Variants in SLC6A6 observed in about 807,000 individuals in gnomAD.
The protein encoded by SLC6A6 is sodium- and chloride-dependent taurine transporter.
In SLC6A6, 16 loss-of-function variants were observed where a neutral mutation model predicts 68.8. That is an observed-to-expected ratio of 0.23 (90% CI 0.16 to 0.35). The LOEUF (loss-of-function observed/expected upper bound fraction) is 0.35. Among genes scored for constraint, SLC6A6 ranks in the 10% least tolerant of loss-of-function variants. The pLI, the probability that SLC6A6 is intolerant of heterozygous loss-of-function variation, is 1.00. For synonymous variants in SLC6A6, 312 were observed against 315.4 expected, an observed-to-expected ratio of 0.99 and a Z score of 0.12; for missense variants, 474 against 802.8, an observed-to-expected ratio of 0.59 and a Z score of 4.95.
intron 14 of SLC6A6, among the ~76,000 whole-genome samples, chr3:14,483,642 C>T (rs548008193): frequency 6.6e-6 from 1 of 152,276 alleles, no homozygotes; most frequent in South Asian, 2.1e-4. Flanking sequence ...GGACCTGGGC[C>T]TGGAGTTGCC....
intron 2 of SLC6A6, among the ~76,000 whole-genome samples, chr3:14,417,509 A>T (rs897189559): frequency 6.6e-6 from 1 of 152,124 alleles, no homozygotes; most frequent in African/African-American, 2.4e-5. Flanking sequence ...AGGTGGGCAG[A>T]TCACGAGGTC....
At chr3:14,425,556 A>G (rs931899665) in intron 2 of SLC6A6, among the ~76,000 whole-genome samples, 18 of 152,340 alleles carry the variant, frequency 1.2e-4, no homozygotes, top group African/African-American at 4.3e-4. Context: ...CCTAAATCTC[A>G]GGTATCCTTG....
At chr3:14,480,822 C>T (rs17039655) in intron 13 of SLC6A6, among the ~76,000 whole-genome samples, 36,732 of 152,138 alleles carry the variant, frequency 0.24, 4,735 homozygotes, top group African/African-American at 0.31. Flanking sequence ...GCTCTTCTCA[C>T]AGGGAAAGGT....
chr3:14,476,399 G>A (rs772382350), intron 10 of SLC6A6, among the ~76,000 whole-genome samples: 65 of 152,174 alleles, frequency 4.3e-4, no homozygotes, highest in Non-Finnish European at 6.5e-4. Flanking sequence ...GGCACGAGAT[G>A]GAAAGGTTTA....
Position 14,478,469 on chromosome 3 carries a change from G to T in SLC6A6, c.1351G>T (p.Gly451Cys). The T allele has an allele frequency of 6.2e-7, 1 of 1,606,488 alleles. No individual in the cohort carries two copies. The highest frequency in any genetic ancestry group is 8.5e-7 in the Non-Finnish European group (1 of 1,173,570). Reference sequence around the variant, plus strand: ...TCTGTGGTTTTTTTCTTCACAGGGTGGCATGTATGTGTTTCAGCTCTTTGA... The same window carrying T: ...TCTGTGGTTTTTTTCTTCACAGGGTTGCATGTATGTGTTTCAGCTCTTTGA... ...LLGLTMVTEG[G>C]MYVFQLFDYY... The change falls in exon 12 of 15, where the codon GGC becomes TGC. Residue 451 changes from glycine to cysteine, a missense_variant. Gly to Cys is a radical substitution (Grantham distance 159). Around this residue, in one of 2 missense-constraint regions of SLC6A6, gnomAD observed 194 missense variants for 269.8 expected, o/e 0.72. Coordinates refer to ENST00000622186, the MANE Select transcript of SLC6A6 (RefSeq NM_003043.6).
chr3:14,451,985 G>A (rs946552886), intron 5 of SLC6A6, among the ~76,000 whole-genome samples: 2 of 152,170 alleles, frequency 1.3e-5, no homozygotes, highest in South Asian at 2.1e-4. Context: ...TCCCTGGCCC[G>A]TCCTTTCCTT....
At chr3:14,432,003 A>G (rs920343145) in intron 2 of SLC6A6, among the ~76,000 whole-genome samples, 1 of 152,156 alleles carries the variant, frequency 6.6e-6, no homozygotes, top group Non-Finnish European at 1.5e-5. Context: ...TGTACAGCAG[A>G]GCGCCCTGAC....
chr3:14,478,326 A>G (rs1409810854), intron 11 of SLC6A6, 140 bp from the exon 12 acceptor site: 2 of 659,398 alleles, frequency 3.0e-6, no homozygotes, highest in Non-Finnish European at 5.5e-6. Context: ...ATCTTTTTGT[A>G]TATTTATCTG....
chr3:14,454,017 T>C (rs572573051), intron 5 of SLC6A6, among the ~76,000 whole-genome samples: 2 of 152,312 alleles, frequency 1.3e-5, no homozygotes, highest in Non-Finnish European at 2.9e-5. Flanking sequence ...CCCAGAACAC[T>C]TCCCCTTTAC....
chr3:14,468,334 G>GGC lies in SLC6A6; in HGVS notation c.1096+122_1096+123insGC, dbSNP rs1294733392. ...GGGGACGAGCCTGGTTTCTAAAATGGACCCCCCCCCCGCCACCAAGATATC... is the reference window on the plus strand; with the variant it reads ...GGGGACGAGCCTGGTTTCTAAAATGGGCACCCCCCCCCCGCCACCAAGATATC... On this transcript the variant is annotated intron_variant, in intron 9 of 14. Coordinates refer to ENST00000622186, the MANE Select transcript of SLC6A6 (RefSeq NM_003043.6). This position sits in a 1 kb window ranked among gnomAD's most constrained non-coding sequence, Gnocchi z 4.5. 16 of 751,474 alleles carry GGC rather than the reference G, an allele frequency of 2.1e-5. No individual in the cohort carries two copies. Among genetic ancestry groups the GGC allele is most frequent in the Non-Finnish European group, 7.7e-6 (4 of 517,002 alleles). The allele number at this position is 751,474 out of a possible 1,614,324, so 46.6% of individuals were successfully genotyped here.
chr3:14,458,566 A>G (rs1700422915), intron 6 of SLC6A6, among the ~76,000 whole-genome samples: 1 of 152,222 alleles, frequency 6.6e-6, no homozygotes, highest in South Asian at 2.1e-4. Flanking sequence ...TCCCATCAGC[A>G]TTGCAGGGAG....
intron 5 of SLC6A6, 30 bp downstream of exon 5, chr3:14,447,846 G>A (rs781186796): frequency 3.7e-6 from 6 of 1,612,722 alleles, no homozygotes; most frequent in South Asian, 2.2e-5. Flanking sequence ...GCAAGGAGGA[G>A]GACATGGGTG....
At chr3:14,441,512 G>A (rs554020651) in intron 2 of SLC6A6, among the ~76,000 whole-genome samples, 5 of 152,344 alleles carry the variant, frequency 3.3e-5, no homozygotes, top group African/African-American at 1.2e-4. Flanking sequence ...CTGCCCAGAG[G>A]CTTCAGGAAG....
rs764840432 is a variant in SLC6A6 at position 14,467,974 on chromosome 3, G to A, written c.971+18G>A. On this transcript the variant is annotated intron_variant, in intron 8 of 14. Transcript: ENST00000622186. ...TCGTACAGGCAAGTGTTGCGCCGGC[G>A]GGCCTGGTGGACTTTAGAAATGATG... The A allele has an allele frequency of 9.3e-6, 15 of 1,608,698 alleles. No homozygotes were observed. The highest frequency in any genetic ancestry group is 1.0e-5 in the Non-Finnish European group (12 of 1,175,568).
intron 5 of SLC6A6, among the ~76,000 whole-genome samples, chr3:14,452,206 G>A (rs1486577701): frequency 6.6e-6 from 1 of 152,176 alleles, no homozygotes; most frequent in Non-Finnish European, 1.5e-5. Context: ...CTTGTGGGGG[G>A]AGACAAAGCT....
intron 10 of SLC6A6, among the ~76,000 whole-genome samples, chr3:14,473,783 C>G (rs1451783823): frequency 6.6e-6 from 1 of 152,182 alleles, no homozygotes; most frequent in African/African-American, 2.4e-5. Flanking sequence ...TCAGAGGCCC[C>G]AAGCAAATGG....
intron 2 of SLC6A6, among the ~76,000 whole-genome samples, chr3:14,428,539 T>A (rs199906106): frequency 6.6e-6 from 1 of 152,208 alleles, no homozygotes; most frequent in East Asian, 1.9e-4. Flanking sequence ...CTGTTATTAC[T>A]CCCATTCTAT....
intron 2 of SLC6A6, among the ~76,000 whole-genome samples, chr3:14,440,064 C>G (rs182972367): frequency 6.6e-6 from 1 of 152,128 alleles, no homozygotes; most frequent in Non-Finnish European, 1.5e-5. Context: ...GAGATAGTCT[C>G]AAGTCATAAT....
intron 2 of SLC6A6, among the ~76,000 whole-genome samples, chr3:14,419,404 A>AT (rs1327486872): frequency 6.6e-6 from 1 of 152,198 alleles, no homozygotes; most frequent in Non-Finnish European, 1.5e-5. Flanking sequence ...AAGGGGCATG[A>AT]TGCGGACATG....
Sources: allele counts gnomAD v4.1 joint callset (sites outside exome capture counted in the v4.1 genomes callset), GRCh38; gene constraint gnomAD v4.1.1; regional missense constraint gnomAD v4.1.1; non-coding constraint Gnocchi (gnomAD v3.1); transcripts MANE v1.5; gene names NCBI Gene and HGNC (gene_info 2026-07-23, HGNC 2026-07-21).